Variants in ADAM12 observed in about 807,000 individuals in gnomAD.
The protein encoded by ADAM12 is disintegrin and metalloproteinase domain-containing protein 12.
ADAM12 carries 70 observed loss-of-function variants against 106.4 expected under a neutral mutation model. The ratio of observed to expected loss-of-function variants is 0.66; its 90% confidence interval spans 0.54 to 0.80. ADAM12 has a LOEUF of 0.80. Among genes scored for constraint, ADAM12 ranks in the 30% least tolerant of loss-of-function variants. The pLI is 0.00. For missense variants in ADAM12, 1,010 were observed against 1,171.9 expected, an observed-to-expected ratio of 0.86 and a Z score of 2.02; for synonymous variants, 420 against 433.5, an observed-to-expected ratio of 0.97 and a Z score of 0.39.
chr10:126,164,680 GAGAAA>G (rs1488641284), intron 3 of ADAM12, among the ~76,000 whole-genome samples: 1 of 152,128 alleles, frequency 6.6e-6, no homozygotes, highest in African/African-American at 2.4e-5. Flanking sequence ...AATAAATATA[GAGAAA>G]AGATCTGGAA....
chr10:126,268,438 G>A (rs1959143855), intron 3 of ADAM12, among the ~76,000 whole-genome samples: 1 of 152,100 alleles, frequency 6.6e-6, no homozygotes, highest in African/African-American at 2.4e-5. Context: ...ACGAATGTGG[G>A]TGTACAAATC....
chr10:126,162,867 C>T (rs1565106472), intron 3 of ADAM12, among the ~76,000 whole-genome samples: 1 of 152,280 alleles, frequency 6.6e-6, no homozygotes, highest in East Asian at 1.9e-4. Flanking sequence ...TCAAATCTCA[C>T]ATTGAATTGT....
At chr10:126,321,953 C>T (rs1157803222) in intron 2 of ADAM12, among the ~76,000 whole-genome samples, 2 of 149,896 alleles carry the variant, frequency 1.3e-5, no homozygotes, top group African/African-American at 4.9e-5. Flanking sequence ...ATCCACCTTG[C>T]AGGGCTGCTG....
At chr10:126,141,116 G>T (rs1015800112) in intron 4 of ADAM12, among the ~76,000 whole-genome samples, 105 of 152,322 alleles carry the variant, frequency 6.9e-4, no homozygotes, top group African/African-American at 2.5e-3. Context: ...ACCAGAAAGA[G>T]ACCCAGCAGG....
chr10:126,112,671 TAATA>T, intron 6 of ADAM12, among the ~76,000 whole-genome samples: 1 of 152,324 alleles, frequency 6.6e-6, no homozygotes, highest in African/African-American at 2.4e-5. Flanking sequence ...ATTGGGGCTA[TAATA>T]AATCCTCATT....
At chr10:126,111,501 G>T (rs1955867535) in intron 6 of ADAM12, among the ~76,000 whole-genome samples, 1 of 152,028 alleles carries the variant, frequency 6.6e-6, no homozygotes, top group Admixed American at 6.5e-5. Context: ...TTATGCAGAA[G>T]AAAATATAGC....
intron 2 of ADAM12, among the ~76,000 whole-genome samples, chr10:126,281,828 TG>T (rs1479390968): frequency 2.6e-5 from 4 of 152,216 alleles, no homozygotes; most frequent in African/African-American, 9.6e-5. Flanking sequence ...TGCTAATCAA[TG>T]GGCCAGAAAT....
At chr10:126,184,168 C>A (rs1200738323) in intron 3 of ADAM12, among the ~76,000 whole-genome samples, 1 of 152,204 alleles carries the variant, frequency 6.6e-6, no homozygotes, top group Non-Finnish European at 1.5e-5. Flanking sequence ...TTCTTCTCCC[C>A]CAGTACCTTG....
At chr10:126,078,157 C>T (rs149446563) in intron 11 of ADAM12, among the ~76,000 whole-genome samples, 1,774 of 152,316 alleles carry the variant, frequency 0.012, 19 homozygotes, top group South Asian at 0.03. Flanking sequence ...AGGTGCATCA[C>T]CTGCTCCCCA....
chr10:126,106,894 C>A (rs547394169), intron 8 of ADAM12, among the ~76,000 whole-genome samples: 1 of 152,170 alleles, frequency 6.6e-6, no homozygotes, highest in East Asian at 1.9e-4. Flanking sequence ...GTGTGTCTCT[C>A]CCCTGCTTAA....
At chr10:126,161,167 A>G (rs1956927053) in intron 3 of ADAM12, among the ~76,000 whole-genome samples, 1 of 152,106 alleles carries the variant, frequency 6.6e-6, no homozygotes, top group Non-Finnish European at 1.5e-5. Flanking sequence ...TCATCGCTGT[A>G]TTCCCTCACT....
intron 3 of ADAM12, among the ~76,000 whole-genome samples, chr10:126,157,237 C>T (rs754791556): frequency 1.4e-4 from 21 of 152,238 alleles, no homozygotes; most frequent in Non-Finnish European, 2.6e-4. Context: ...ACAAAGCTGT[C>T]ACCCTCAGGC....
At chr10:126,144,655 G>A (rs1047407813) in intron 4 of ADAM12, among the ~76,000 whole-genome samples, 1 of 152,110 alleles carries the variant, frequency 6.6e-6, no homozygotes, top group Non-Finnish European at 1.5e-5. Context: ...AGACCTATAG[G>A]GCCATTTGCA....
Position 126,217,429 on chromosome 10 carries a change from G to A in ADAM12, c.260+61486C>T, listed in dbSNP as rs1418014365. 5.3e-5 allele frequency among the ~76,000 whole-genome samples: 8 copies of A among 150,954 alleles called. No individual in the cohort carries two copies. In the East Asian group the frequency reaches 1.0e-3, roughly 19 times the overall value. On this transcript the variant is annotated intron_variant, in intron 3 of 22. Transcript: ENST00000448723. ...GTTGACCAGGCTGGAGTGCAATGGCGCGATCTTGGCTCACCACAACTTCTG... is the reference window on the plus strand; with the variant it reads ...GTTGACCAGGCTGGAGTGCAATGGCACGATCTTGGCTCACCACAACTTCTG...
chr10:126,325,112 G>A (rs1198773470), intron 2 of ADAM12, among the ~76,000 whole-genome samples: 1 of 152,144 alleles, frequency 6.6e-6, no homozygotes, highest in African/African-American at 2.4e-5. Flanking sequence ...AGCCAGGAAA[G>A]CTAATGAAAA....
intron 3 of ADAM12, among the ~76,000 whole-genome samples, chr10:126,173,475 G>A (rs1957156562): frequency 6.6e-6 from 1 of 152,002 alleles, no homozygotes; most frequent in Non-Finnish European, 1.5e-5. Flanking sequence ...AATATCCCTG[G>A]CCTCCACCCC....
At chr10:126,213,997 A>G (rs1957944079) in intron 3 of ADAM12, among the ~76,000 whole-genome samples, 1 of 152,242 alleles carries the variant, frequency 6.6e-6, no homozygotes, top group Non-Finnish European at 1.5e-5. Flanking sequence ...TACTGATTAC[A>G]AAAGTACAAT....
At chr10:126,092,619 A>T (rs1277218847) in intron 11 of ADAM12, among the ~76,000 whole-genome samples, 1 of 152,200 alleles carries the variant, frequency 6.6e-6, no homozygotes, top group Non-Finnish European at 1.5e-5. Flanking sequence ...GACTTTGTGT[A>T]CAGATCCTTG....
chr10:126,130,664 C>T (rs1956288557), intron 5 of ADAM12, among the ~76,000 whole-genome samples: 1 of 152,358 alleles, frequency 6.6e-6, no homozygotes, highest in South Asian at 2.1e-4. Flanking sequence ...GCAACCCTGA[C>T]AGTTGCCCTG....
Sources: gnomAD v4.1 joint callset for allele counts (sites outside exome capture counted in the v4.1 genomes callset) on GRCh38, gnomAD v4.1.1 for gene constraint, MANE v1.5 for transcripts, NCBI Gene and HGNC (gene_info 2026-07-23, HGNC 2026-07-21) for gene names.